The following ABRAXAS1 variants were observed in gnomAD, a reference collection of about 807,000 sequenced individuals.
The protein encoded by ABRAXAS1 is BRCA1-A complex subunit Abraxas 1.
Under a neutral mutation model 38.4 loss-of-function variants are expected in ABRAXAS1, and 26 were observed. The observed-to-expected ratio is 0.68, with a 90% confidence interval of 0.50 to 0.94. ABRAXAS1 has a LOEUF of 0.94. Ranked by LOEUF, ABRAXAS1 falls within the 40% of genes least tolerant of loss-of-function variation. ABRAXAS1 has a pLI of 0.00. For missense variants in ABRAXAS1, 438 were observed against 481.9 expected, an observed-to-expected ratio of 0.91 and a Z score of 0.85; for synonymous variants, 144 against 165.5, an observed-to-expected ratio of 0.87 and a Z score of 1.00.
chr4:83,482,127 C>G, intron 2 of ABRAXAS1, 27 bp downstream of exon 2: 2 of 1,390,272 alleles, frequency 1.4e-6, no homozygotes, highest in Non-Finnish European at 2.0e-6. Context: ...ACAGATGATT[C>G]AAATATAGGA....
intron 3 of ABRAXAS1, among the ~76,000 whole-genome samples, chr4:83,474,710 C>G (rs551319863): frequency 2.3e-5 from 3 of 132,892 alleles, no homozygotes; most frequent in Non-Finnish European, 4.7e-5. Context: ...AAGACTCTGT[C>G]TCAAAAAAAA....
intron 2 of ABRAXAS1, chr4:83,480,272 C>G: frequency 3.0e-6 from 1 of 330,932 alleles, no homozygotes. Context: ...CTCCGGAGGC[C>G]GAGGCAGGAG....
Position 83,462,886 on chromosome 4 carries a change from T to C in ABRAXAS1, c.813A>G (p.Gln271=), listed in dbSNP as rs1722191467. ...QIQAAREKNI[Q]KDPQENIFLC... is the part of the protein sequence containing the mutation. Reference sequence around the variant, plus strand: ...GAAAAATGTTCTCCTGAGGGTCTTTTTGGATGTTCTTCTCTCCTAAACAAA... The same window carrying C: ...GAAAAATGTTCTCCTGAGGGTCTTTCTGGATGTTCTTCTCTCCTAAACAAA... The change falls in exon 9 of 9, where the codon CAA becomes CAG. Residue 271 remains glutamine, a synonymous_variant. Transcript: ENST00000321945. 4 of 1,577,966 alleles carry C rather than the reference T, an allele frequency of 2.5e-6. No homozygotes were observed. The African/African-American group carries it at 4.1e-5, about 16-fold the overall frequency.
Position 83,469,169 on chromosome 4 carries a change from T to C in ABRAXAS1, c.477-18A>G, listed in dbSNP as rs776009781. ...GAAAAAGTCTGACAAAATAAAACTT[T>C]AGAGTATAAACTTAGAATGAAAAGA... On this transcript the variant is annotated intron_variant, in intron 5 of 8. Coordinates refer to ENST00000321945, the MANE Select transcript of ABRAXAS1 (RefSeq NM_139076.3). 5.6e-6 allele frequency: 9 copies of C among 1,609,386 alleles called. No homozygotes were observed. Among genetic ancestry groups the C allele is most frequent in the Non-Finnish European group, 7.7e-6 (9 of 1,175,966 alleles).
Position 83,462,571 on chromosome 4 carries a change from A to T in ABRAXAS1, c.1128T>A (p.Ser376Arg), listed in dbSNP as rs1560570517. 6.2e-7 allele frequency: 1 copy of T among 1,614,112 alleles called. No individual in the cohort carries two copies. Among genetic ancestry groups the T allele is most frequent in the Non-Finnish European group, 8.5e-7 (1 of 1,180,012 alleles). Residue 376 changes from serine (S) to arginine (R), a missense_variant, in exon 9 of 9, where the codon AGT becomes AGA. Coordinates refer to ENST00000321945, the MANE Select transcript of ABRAXAS1 (RefSeq NM_139076.3). ...QDKRSKADTG[S>R]SNQDKASKMS... ...TTTTGGATGCTTTATCTTGGTTACT[A>T]CTACCAGTATCTGCTTTAGATCGTT...
intron 2 of ABRAXAS1, chr4:83,480,289 T>C (rs764628383): frequency 8.3e-6 from 3 of 361,006 alleles, no homozygotes; most frequent in Admixed American, 7.1e-5. Flanking sequence ...GGAGAATCGC[T>C]TGACCTCGAG....
At position 83,472,299 on chromosome 4, in the gene ABRAXAS1, CA is replaced by C; in HGVS notation, c.216-12del. The C allele has an allele frequency of 6.8e-7, 1 of 1,471,754 alleles. No homozygotes were observed. Among genetic ancestry groups the C allele is most frequent in the Non-Finnish European group, 9.1e-7 (1 of 1,101,716 alleles). The allele number at this position is 1,471,754 out of a possible 1,614,324, so 91.2% of individuals were successfully genotyped here. On this transcript the variant is annotated splice_polypyrimidine_tract_variant and intron_variant, in intron 3 of 8. Coordinates refer to ENST00000321945, the MANE Select transcript of ABRAXAS1 (RefSeq NM_139076.3). ...GAAGAATTATAAAAGCTGTAAAAGC[CA>C]AAATTAAAGGTATTTCAAATACGCT...
intron 2 of ABRAXAS1, among the ~76,000 whole-genome samples, chr4:83,481,145 A>C (rs1239545784): frequency 2.6e-5 from 4 of 152,100 alleles, no homozygotes; most frequent in Non-Finnish European, 5.9e-5. Context: ...AAAAAAAAGA[A>C]AAGAAATGAA....
intron 5 of ABRAXAS1, chr4:83,469,882 T>C (rs1464229797): frequency 5.5e-6 from 1 of 182,258 alleles, no homozygotes; most frequent in Non-Finnish European, 1.1e-5. Flanking sequence ...TGCTGAAGTA[T>C]CTAGGCTTAA....
intron 1 of ABRAXAS1, among the ~76,000 whole-genome samples, chr4:83,482,627 T>C (rs771218164): frequency 2.0e-5 from 3 of 151,948 alleles, no homozygotes; most frequent in Non-Finnish European, 2.9e-5. Flanking sequence ...ACCCAGGAGG[T>C]TGAGGCTGCA....
intron 3 of ABRAXAS1, 96 bp downstream of exon 3, chr4:83,476,547 G>A (rs542805888): frequency 9.0e-6 from 8 of 892,000 alleles, no homozygotes; most frequent in Non-Finnish European, 1.4e-5. Flanking sequence ...CCATGTATAG[G>A]TTATAACTAA....
At chr4:83,476,497 T>C in intron 3 of ABRAXAS1, 146 bp downstream of exon 3, 1 of 497,570 alleles carries the variant, frequency 2.0e-6, no homozygotes, top group East Asian at 3.1e-5. Flanking sequence ...AGTGATTTTT[T>C]CAGCTATTTA....
chr4:83,483,493 C>T (rs2110050340), intron 1 of ABRAXAS1, among the ~76,000 whole-genome samples: 1 of 152,060 alleles, frequency 6.6e-6, no homozygotes, highest in African/African-American at 2.4e-5. Context: ...ATGTTGCCCA[C>T]GCTGGTCTTG....
chr4:83,471,853 G>A (rs998877412), intron 4 of ABRAXAS1, among the ~76,000 whole-genome samples: 1 of 151,912 alleles, frequency 6.6e-6, no homozygotes, highest in African/African-American at 2.4e-5. Flanking sequence ...CTGGGTGACA[G>A]AGCAAGACTC....
rs976926586 is a variant in ABRAXAS1, at chr4:83,483,122, CA to C, written c.88-879del. On this transcript the variant is annotated intron_variant, in intron 1 of 8. Coordinates refer to ENST00000321945, the MANE Select transcript of ABRAXAS1 (RefSeq NM_139076.3). The stretch of plus-strand genomic sequence containing the variant: ...AATATGAAAGATTTAAATTCAATTT[CA>C]GAGTCTGCTTTCTAAAAGGAGTGCT... Among the ~76,000 whole-genome samples, 56 of 152,180 alleles carry C rather than the reference CA, an allele frequency of 3.7e-4. 1 individual carries two copies. Among genetic ancestry groups the C allele is most frequent in the African/African-American group, 1.3e-3 (54 of 41,442 alleles).
intron 3 of ABRAXAS1, among the ~76,000 whole-genome samples, chr4:83,474,143 A>AT (rs1228563818): frequency 8.8e-5 from 11 of 125,270 alleles, no homozygotes; most frequent in African/African-American, 3.5e-4. Context: ...ACCTTGTCTA[A>AT]AAAATAAATA....
chr4:83,470,907 T>C (rs1025562391), intron 4 of ABRAXAS1, among the ~76,000 whole-genome samples: 2 of 152,212 alleles, frequency 1.3e-5, no homozygotes, highest in Admixed American at 6.5e-5. Flanking sequence ...TAAAGGATTT[T>C]GTAAACTACA....
rs1722072106 is a variant in ABRAXAS1, at chr4:83,460,878, C to G, written c.*1591G>C. The G allele has an allele frequency of 1.9e-6, 2 of 1,047,342 alleles. No homozygotes were observed. Among genetic ancestry groups the G allele is most frequent in the African/African-American group, 3.3e-5 (2 of 61,430 alleles). The allele number at this position is 1,047,342 out of a possible 1,614,324, so 64.9% of individuals were successfully genotyped here. On this transcript the variant is annotated 3_prime_UTR_variant, in exon 9 of 9. Transcript: ENST00000321945. ...GCGAGAGAGCACCACTGTACTCCAG[C>G]CTGGGTGACACAGGGAGACTCCATC...
rs772142848 is a variant in ABRAXAS1 at position 83,462,494 on chromosome 4, T to G, written c.1205A>C (p.Glu402Ala). ...EEIEKMKGFG[E>A]YSRSPTF ...TCAAAATGTAGGAGACCGTGAATATTCACCAAAACCCTTCATCTTTTCAAT... is the reference window on the plus strand; with the variant it reads ...TCAAAATGTAGGAGACCGTGAATATGCACCAAAACCCTTCATCTTTTCAAT... Residue 402 changes from glutamate (E) to alanine (A), a missense_variant, in exon 9 of 9, where the codon GAA becomes GCA. By Grantham distance (107) the Glu-to-Ala change is moderately radical. Transcript: ENST00000321945. The G allele has an allele frequency of 1.2e-6, 2 of 1,613,062 alleles. No individual in the cohort carries two copies. The highest frequency in any genetic ancestry group is 1.7e-6 in the Non-Finnish European group (2 of 1,179,702).
Sources: gnomAD v4.1 joint callset for allele counts (sites outside exome capture counted in the v4.1 genomes callset) on GRCh38, gnomAD v4.1.1 for gene constraint, MANE v1.5 for transcripts, NCBI Gene and HGNC (gene_info 2026-07-23, HGNC 2026-07-21) for gene names.